The following LRP1B variants were observed in gnomAD, a reference collection of about 807,000 sequenced individuals.
LRP1B encodes LDL receptor related protein 1B.
Under a neutral mutation model 556.6 loss-of-function variants are expected in LRP1B, and 217 were observed. The observed-to-expected ratio is 0.39, with a 90% CI of 0.35 to 0.44. LRP1B has a LOEUF of 0.44. Ranked by LOEUF, LRP1B falls within the 20% of genes least tolerant of loss-of-function variation. The pLI is 1.00. For missense variants in LRP1B, 5,053 were observed against 5,620.8 expected (o/e 0.90, Z 3.23); for synonymous variants, 2,047 against 1,865.8 (o/e 1.10, Z -2.50).
chr2:141,093,137 G>T (rs1700214133), intron 7 of LRP1B, among the ~76,000 whole-genome samples: 1 of 151,672 alleles, frequency 6.6e-6, no homozygotes, highest in African/African-American at 2.4e-5. Context: ...AAATAATGCA[G>T]TAAAAAAAGA....
At chr2:141,189,229 G>C (rs1558921280) in intron 6 of LRP1B, among the ~76,000 whole-genome samples, 1 of 151,926 alleles carries the variant, frequency 6.6e-6, no homozygotes, top group East Asian at 1.9e-4. Context: ...GGTGAGAAAA[G>C]AAAAATAGCT....
intron 84 of LRP1B, among the ~76,000 whole-genome samples, chr2:140,280,436 C>T (rs1296097923): frequency 2.0e-5 from 3 of 151,622 alleles, no homozygotes; most frequent in East Asian, 2.0e-4. Context: ...TAGAAACAGT[C>T]GATTTATGAA....
intron 1 of LRP1B, among the ~76,000 whole-genome samples, chr2:141,840,493 G>A (rs1043079511): frequency 6.6e-6 from 1 of 151,898 alleles, no homozygotes; most frequent in African/African-American, 2.4e-5. Context: ...TCCTGACCTC[G>A]TGATCCGCCC....
At chr2:140,992,692 T>C (rs1338687345) in intron 16 of LRP1B, 1 of 152,076 alleles carries the variant, frequency 6.6e-6, no homozygotes, top group Non-Finnish European at 1.5e-5. Flanking sequence ...GTTCTGATTG[T>C]GAGTCAAGAA....
intron 75 of LRP1B, among the ~76,000 whole-genome samples, chr2:140,354,287 G>T (rs2105125179): frequency 6.6e-6 from 1 of 152,086 alleles, no homozygotes; most frequent in Non-Finnish European, 1.5e-5. Flanking sequence ...ATGTTCTAAG[G>T]GCTCAGAGGT....
chr2:141,117,602 C>G (rs143505965), intron 7 of LRP1B, among the ~76,000 whole-genome samples: 1 of 151,928 alleles, frequency 6.6e-6, no homozygotes, highest in South Asian at 2.1e-4. Context: ...TTTTTAACTT[C>G]GTGGTTAAGG....
intron 41 of LRP1B, among the ~76,000 whole-genome samples, chr2:140,661,074 G>C (rs746208786): frequency 6.6e-6 from 1 of 151,836 alleles, no homozygotes; most frequent in Non-Finnish European, 1.5e-5. Flanking sequence ...TCAACTCATA[G>C]ACATACTTTT....
At chr2:141,400,012 G>T (rs1169208240) in intron 3 of LRP1B, among the ~76,000 whole-genome samples, 2 of 151,994 alleles carry the variant, frequency 1.3e-5, no homozygotes, top group African/African-American at 4.8e-5. Flanking sequence ...TTGAGACAGG[G>T]TCTCATTTTG....
chr2:141,995,776 T>C (rs1394906693), intron 1 of LRP1B, among the ~76,000 whole-genome samples: 1 of 152,182 alleles, frequency 6.6e-6, no homozygotes, highest in Non-Finnish European at 1.5e-5. Flanking sequence ...AACGTAAATA[T>C]AAAATGTTAG....
intron 35 of LRP1B, among the ~76,000 whole-genome samples, chr2:140,766,892 A>G (rs577723589): frequency 2.8e-5 from 4 of 144,782 alleles, no homozygotes; most frequent in African/African-American, 1.0e-4. Context: ...GATAATTTCT[A>G]CAATATTTTA....
At chr2:140,521,855 A>G (rs1267408891) in intron 49 of LRP1B, among the ~76,000 whole-genome samples, 1 of 152,110 alleles carries the variant, frequency 6.6e-6, no homozygotes, top group African/African-American at 2.4e-5. Context: ...AAACAAAAAA[A>G]GAGCAGTATT....
chr2:140,473,104 A>G (rs1687835513), intron 60 of LRP1B, among the ~76,000 whole-genome samples: 1 of 152,026 alleles, frequency 6.6e-6, no homozygotes, highest in African/African-American at 2.4e-5. Flanking sequence ...CCACTTTACA[A>G]ACATGGCAAA....
At chr2:140,662,210 T>G (rs552747) in intron 41 of LRP1B, among the ~76,000 whole-genome samples, 22,630 of 151,924 alleles carry the variant, frequency 0.15, 2,344 homozygotes, top group African/African-American at 0.28. Flanking sequence ...AAGGAAAAAT[T>G]CCAGTTCACT....
intron 84 of LRP1B, among the ~76,000 whole-genome samples, chr2:140,283,959 C>T (rs1683020540): frequency 6.6e-6 from 1 of 151,522 alleles, no homozygotes. Flanking sequence ...TATGGCTTAT[C>T]AGATGAGGCT....
chr2:140,987,164 G>C (rs567666570), intron 17 of LRP1B, among the ~76,000 whole-genome samples: 2 of 152,152 alleles, frequency 1.3e-5, no homozygotes, highest in African/African-American at 2.4e-5. Flanking sequence ...AAAGCAAAAG[G>C]CATGTTTATT....
rs190917948 is a variant in LRP1B at position 141,009,837 on chromosome 2, A to G, written c.2380+3719T>C. 6.6e-4 allele frequency among the ~76,000 whole-genome samples: 100 copies of G among 152,112 alleles called. 3 individuals are homozygous for G. In the East Asian group the frequency reaches 0.017, roughly 26 times the overall value. On this transcript the variant is annotated intron_variant, in intron 14 of 90. Coordinates refer to ENST00000389484, the MANE Select transcript of LRP1B (RefSeq NM_018557.3). The stretch of plus-strand genomic sequence containing the variant: ...TTTTTCTTCTATCTAAAAGTATAGT[A>G]GATATAAAATTTTGAGAAATTAAAT...
chr2:140,951,817 C>G, intron 19 of LRP1B, 43 bp downstream of exon 19: 1 of 1,487,074 alleles, frequency 6.7e-7, no homozygotes, highest in Non-Finnish European at 9.4e-7. Context: ...ACCGCCAAGC[C>G]CCCGATCAAA....
At chr2:141,751,766 T>A (rs1464080149) in intron 2 of LRP1B, among the ~76,000 whole-genome samples, 2 of 151,402 alleles carry the variant, frequency 1.3e-5, no homozygotes, top group Non-Finnish European at 2.9e-5. Flanking sequence ...GAAAAAGGAT[T>A]TAAATGTGTG....
chr2:141,033,332 A>C (rs1462406249), intron 11 of LRP1B, among the ~76,000 whole-genome samples: 1 of 151,978 alleles, frequency 6.6e-6, no homozygotes, highest in Non-Finnish European at 1.5e-5. Context: ...AGCGCTAAGA[A>C]CTTATTTTGA....
Sources: allele counts gnomAD v4.1 joint callset (sites outside exome capture counted in the v4.1 genomes callset), GRCh38; gene constraint gnomAD v4.1.1; transcripts MANE v1.5; gene names NCBI Gene and HGNC (gene_info 2026-07-23, HGNC 2026-07-21).